NUP93: variants seen among roughly 807,000 people sequenced by gnomAD.
NUP93 encodes the protein nucleoporin 93.
NUP93 carries 55 observed loss-of-function variants against 107.8 expected under a neutral mutation model. The ratio of observed to expected loss-of-function variants is 0.51; its 90% CI spans 0.41 to 0.64. The LOEUF (loss-of-function observed/expected upper bound fraction) is 0.64. Among genes scored for constraint, NUP93 ranks in the 30% least tolerant of loss-of-function variants. The pLI, the probability that NUP93 is intolerant of heterozygous loss-of-function variation, is 0.00. For missense variants in NUP93, 937 were observed against 1,044.7 expected (o/e 0.90, Z 1.42); for synonymous variants, 390 against 397.5 (o/e 0.98, Z 0.22).
intron 4 of NUP93, among the ~76,000 whole-genome samples, chr16:56,803,679 TAAATC>T (rs779068498): frequency 1.6e-4 from 24 of 152,008 alleles, no homozygotes; most frequent in Middle Eastern, 3.4e-3. Context: ...TACGGGAACA[TAAATC>T]AAAACCACAG....
chr16:56,809,997 G>A (rs930352346), intron 5 of NUP93, among the ~76,000 whole-genome samples: 3 of 152,176 alleles, frequency 2.0e-5, no homozygotes, highest in African/African-American at 7.2e-5. Context: ...TTAAAATGGT[G>A]TTAATAGGTT....
At chr16:56,766,633 T>G (rs1314867461) in intron 3 of NUP93, among the ~76,000 whole-genome samples, 1 of 152,222 alleles carries the variant, frequency 6.6e-6, no homozygotes, top group African/African-American at 2.4e-5. Context: ...CATGTGCCAC[T>G]TTGATCTGCT....
At chr16:56,743,650 T>C (rs1248212244) in intron 1 of NUP93, among the ~76,000 whole-genome samples, 2 of 152,152 alleles carry the variant, frequency 1.3e-5, no homozygotes, top group African/African-American at 4.8e-5. Context: ...TGGGTCTAGA[T>C]TGACTAATTT....
At chr16:56,801,389 A>G (rs1963018488) in intron 4 of NUP93, among the ~76,000 whole-genome samples, 1 of 152,148 alleles carries the variant, frequency 6.6e-6, no homozygotes, top group African/African-American at 2.4e-5. Context: ...TGATGCAATT[A>G]AGGGAAGAGA....
intron 13 of NUP93, among the ~76,000 whole-genome samples, chr16:56,833,692 A>G (rs1158614617): frequency 1.3e-5 from 2 of 150,490 alleles, no homozygotes; most frequent in African/African-American, 4.9e-5. Flanking sequence ...AGCAGCCCCT[A>G]GAGTTATGGG....
At chr16:56,841,975 G>A in intron 21 of NUP93, 142 bp downstream of exon 21, 1 of 955,264 alleles carries the variant, frequency 1.0e-6, no homozygotes, top group Non-Finnish European at 1.5e-6. Flanking sequence ...GTGTTAGGAG[G>A]CTCCCAGAGG....
Position 56,837,620 on chromosome 16 carries a change from G to A in NUP93, c.1912G>A (p.Val638Ile), listed in dbSNP as rs1303353695. ...AAAACTTGAGCAGAATGCTGACAAG[G>A]TACTGGAGCTGATGAACAAACTGCT... ...LYDLAKNADK[V>I]LELMNKLLSP... Residue 638 changes from valine to isoleucine, a missense_variant, in exon 18 of 22, where the codon GTA (valine) becomes ATA (isoleucine). Physicochemically the swap from Val to Ile is conservative, Grantham distance 29. Coordinates refer to ENST00000308159, the MANE Select transcript of NUP93 (RefSeq NM_014669.5). The A allele has an allele frequency of 1.2e-6, 2 of 1,613,704 alleles. No individual in the cohort carries two copies. Among genetic ancestry groups the A allele is most frequent in the Admixed American group, 1.7e-5 (1 of 60,024 alleles).
rs1212938375 is a variant in NUP93 at position 56,808,622 on chromosome 16, ATATATAAATACATT to A, written c.489+3001_489+3014del. Among the ~76,000 whole-genome samples, 108 of 133,796 alleles carry A rather than the reference ATATATAAATACATT, an allele frequency of 8.1e-4. 1 individual carries two copies. The highest frequency in any genetic ancestry group is 2.7e-3 in the African/African-American group (93 of 34,694). 87.8% of individuals were successfully genotyped at this position (133,796 alleles called of 152,430 possible). On this transcript the variant is annotated intron_variant, in intron 5 of 21. Transcript: ENST00000308159. ...AATACATTTATATAAATATTTATAA[ATATATAAATACATT>A]TATATAAATATATAAAAATACATAT...
At position 56,791,054 on chromosome 16, in the gene NUP93, A is replaced by G. The variant is rs1023534406; in HGVS notation, c.298-7422A>G. The stretch of plus-strand genomic sequence containing the variant: ...ATTTGTATGTATTGTACATATTAAA[A>G]TGAGAGATGATACATGATTTTTGTA... On this transcript the variant is annotated intron_variant, in intron 3 of 21. Transcript: ENST00000308159. 5.8e-4 allele frequency among the ~76,000 whole-genome samples: 89 copies of G among 152,194 alleles called. 1 individual carries two copies. The highest frequency in any genetic ancestry group is 8.8e-5 in the Non-Finnish European group (6 of 68,034).
In NUP93 at chr16:56,730,974, G is replaced by C. The variant is rs541618087; in HGVS notation, c.-15+763G>C. Among the ~76,000 whole-genome samples the C allele has an allele frequency of 3.3e-5, 5 of 152,288 alleles. No individual in the cohort carries two copies. The South Asian group carries it at 8.3e-4, about 25-fold the overall frequency. ...CCGAGTTGTCTTTCAGCAAAAGCGA[G>C]GGTCACCTTTTTGTATTCTTTCCAG... On this transcript the variant is annotated intron_variant, in intron 1 of 21. Coordinates refer to ENST00000308159, the MANE Select transcript of NUP93 (RefSeq NM_014669.5).
rs142287696 is a variant in NUP93, at chr16:56,835,485, T to C, written c.1782+707T>C. On this transcript the variant is annotated intron_variant, in intron 16 of 21. Transcript: ENST00000308159. ...TGCTGATGACAGTGGCCTTGCTTAT[T>C]GGGCAGTGACAATCAACAGGCATTG... 2.3e-3 allele frequency among the ~76,000 whole-genome samples: 344 copies of C among 152,382 alleles called. 3 individuals are homozygous for C. Among genetic ancestry groups the C allele is most frequent in the Admixed American group, 0.019 (287 of 15,312 alleles).
intron 3 of NUP93, among the ~76,000 whole-genome samples, chr16:56,768,747 G>A (rs1230024407): frequency 1.7e-4 from 24 of 141,100 alleles, no homozygotes; most frequent in Non-Finnish European, 1.5e-5. Context: ...GGCGCCTGTA[G>A]TCCCAGCTAC....
chr16:56,800,553 G>A (rs1596814221), intron 4 of NUP93, among the ~76,000 whole-genome samples: 2 of 152,346 alleles, frequency 1.3e-5, no homozygotes, highest in East Asian at 1.9e-4. Flanking sequence ...AGGCATTCCA[G>A]TGTTGGGAGC....
At chr16:56,844,106 A>G (rs1454650925) in intron 21 of NUP93, among the ~76,000 whole-genome samples, 1 of 152,228 alleles carries the variant, frequency 6.6e-6, no homozygotes, top group Non-Finnish European at 1.5e-5. Flanking sequence ...CTGGAGAGTC[A>G]GATCCCTGTG....
At chr16:56,794,858 G>A (rs147643264) in intron 3 of NUP93, among the ~76,000 whole-genome samples, 3,319 of 144,074 alleles carry the variant, frequency 0.023, 70 homozygotes, top group East Asian at 0.08. Flanking sequence ...AACCCGGGAG[G>A]TGGAGCTTGC....
rs76847162 is a variant in NUP93 at position 56,770,982 on chromosome 16, G to C, written c.297+12327G>C. Among the ~76,000 whole-genome samples, 107 of 152,198 alleles carry C rather than the reference G, an allele frequency of 7.0e-4. No individual in the cohort carries two copies. The East Asian group carries it at 0.02, about 29-fold the overall frequency. ...ATTCCTATAAATTGACACACAGTCT[G>C]TTCCTTTATTCTGTAACGGAAAAGC... is the stretch of plus-strand genomic sequence containing the variant. On this transcript the variant is annotated intron_variant, in intron 3 of 21. Coordinates refer to ENST00000308159, the MANE Select transcript of NUP93 (RefSeq NM_014669.5).
chr16:56,815,899 G>GTGC (rs61260945), intron 5 of NUP93, among the ~76,000 whole-genome samples: 89 of 96,026 alleles, frequency 9.3e-4, no homozygotes, highest in Non-Finnish European at 8.8e-4. Flanking sequence ...GCTGCTGCTG[G>GTGC]TGCTGCTGCT....
chr16:56,798,503 G>C lies in NUP93; in HGVS notation c.325G>C (p.Ala109Pro). The change falls in exon 4 of 22, where the codon GCC (alanine) becomes CCC (proline). Residue 109 changes from alanine to proline, a missense_variant. Physicochemically the swap from Ala to Pro is conservative, Grantham distance 27. Transcript: ENST00000308159. ...CTTCCTGAAGAATGAGAAGGACAAT[G>C]CCCTGCTGTCTGCCATCGAAGAGTC... is the stretch of plus-strand genomic sequence containing the variant. ...QGFLKNEKDN[A>P]LLSAIEESRK... is the part of the protein sequence containing the mutation. 1 of 1,614,126 alleles carries C rather than the reference G, an allele frequency of 6.2e-7. No homozygotes were observed. Among genetic ancestry groups the C allele is most frequent in the South Asian group, 1.1e-5 (1 of 91,084 alleles).
chr16:56,794,404 A>T (rs929785704), intron 3 of NUP93, among the ~76,000 whole-genome samples: 5 of 34,396 alleles, frequency 1.5e-4, no homozygotes, highest in Admixed American at 7.9e-4. Context: ...GCAGCTTTAT[A>T]GTAAATAAAG....
Sources: gnomAD v4.1 joint callset for allele counts (sites outside exome capture counted in the v4.1 genomes callset) on GRCh38, gnomAD v4.1.1 for gene constraint, MANE v1.5 for transcripts, NCBI Gene and HGNC (gene_info 2026-07-23, HGNC 2026-07-21) for gene names.